Variants in OSBPL6 observed in about 807,000 individuals in gnomAD.
OSBPL6 encodes the protein oxysterol-binding protein-related protein 6.
OSBPL6 carries 49 observed loss-of-function variants against 125.8 expected under a neutral mutation model. That is an observed-to-expected ratio of 0.39 (90% CI 0.31 to 0.49). OSBPL6 has a LOEUF of 0.49. Ranked by LOEUF, OSBPL6 falls within the 20% of genes least tolerant of loss-of-function variation. The pLI, the probability that OSBPL6 is intolerant of heterozygous loss-of-function variation, is 0.88. For synonymous variants in OSBPL6, 394 were observed against 391.8 expected (o/e 1.01, Z -0.07); for missense variants, 986 against 1,135.4 (o/e 0.87, Z 1.89).
intron 3 of OSBPL6, among the ~76,000 whole-genome samples, chr2:178,309,677 G>T (rs1224614499): frequency 6.6e-6 from 1 of 152,172 alleles, no homozygotes. Context: ...TTTAATAATT[G>T]TTCCATTTGC....
intron 18 of OSBPL6, among the ~76,000 whole-genome samples, chr2:178,384,918 T>A (rs1575037035): frequency 6.6e-6 from 1 of 151,478 alleles, no homozygotes; most frequent in Non-Finnish European, 1.5e-5. Flanking sequence ...TTTTTAGGAA[T>A]AAAATGGGAG....
At chr2:178,205,254 G>T (rs541671841) in intron 1 of OSBPL6, among the ~76,000 whole-genome samples, 5 of 152,314 alleles carry the variant, frequency 3.3e-5, no homozygotes, top group African/African-American at 1.2e-4. Context: ...TCATGATTAA[G>T]TAGACAGGGA....
intron 3 of OSBPL6, among the ~76,000 whole-genome samples, chr2:178,319,896 A>G (rs1159576925): frequency 1.3e-5 from 2 of 152,228 alleles, no homozygotes; most frequent in Non-Finnish European, 2.9e-5. Flanking sequence ...AAAATAGCTT[A>G]GCTAAGATAG....
intron 1 of OSBPL6, among the ~76,000 whole-genome samples, chr2:178,200,857 G>A (rs770757347): frequency 2.0e-5 from 3 of 151,328 alleles, no homozygotes; most frequent in Admixed American, 6.6e-5. Flanking sequence ...GTGCAGTGGC[G>A]CGATCTCGGC....
At chr2:178,278,145 C>T (rs941183828) in intron 1 of OSBPL6, among the ~76,000 whole-genome samples, 1 of 152,174 alleles carries the variant, frequency 6.6e-6, no homozygotes, top group Non-Finnish European at 1.5e-5. Context: ...CCATTTTCTG[C>T]CTGATCTACT....
intron 11 of OSBPL6, among the ~76,000 whole-genome samples, chr2:178,346,474 A>T (rs1414265637): frequency 6.6e-6 from 1 of 152,214 alleles, no homozygotes; most frequent in African/African-American, 2.4e-5. Flanking sequence ...GACAGGACTT[A>T]AGAGCATCTC....
chr2:178,361,478 C>G (rs926167381), intron 12 of OSBPL6, among the ~76,000 whole-genome samples: 2 of 152,136 alleles, frequency 1.3e-5, no homozygotes, highest in Admixed American at 1.3e-4. Context: ...AAATTTTTCA[C>G]TCTGATCAAT....
At chr2:178,299,377 G>A (rs1464989266) in intron 2 of OSBPL6, among the ~76,000 whole-genome samples, 2 of 151,996 alleles carry the variant, frequency 1.3e-5, no homozygotes, top group Non-Finnish European at 2.9e-5. Flanking sequence ...GCTTTTCCTG[G>A]CCCTGTACTA....
rs180952416 is a variant in OSBPL6 at position 178,332,841 on chromosome 2, A to G, written c.487-30A>G. On this transcript the variant is annotated intron_variant, in intron 7 of 24. Transcript: ENST00000190611. ...TGGTAGGCAGGAGAGTTATTTTACA[A>G]TTACTTTCTCCTCTCGTTCATTGTT... 188 of 1,608,752 alleles carry G rather than the reference A, an allele frequency of 1.2e-4. No homozygotes were observed. The African/African-American group carries it at 2.3e-3, about 19-fold the overall frequency.
intron 13 of OSBPL6, among the ~76,000 whole-genome samples, chr2:178,367,161 A>G (rs16866299): frequency 0.036 from 5,488 of 152,326 alleles, 301 homozygotes; most frequent in East Asian, 0.24. Flanking sequence ...CTGTGCACCC[A>G]TTAAACAATA....
chr2:178,344,600 T>C lies in OSBPL6; in HGVS notation c.988-4624T>C, dbSNP rs191166376. On this transcript the variant is annotated intron_variant, in intron 11 of 24. Transcript: ENST00000190611. ...AGTTCTTCTACTATACATGAAGACA[T>C]AATTTAAGTCAAATTTGCAAAATTG... Among the ~76,000 whole-genome samples, 174 of 152,342 alleles carry C rather than the reference T, an allele frequency of 1.1e-3. 1 individual carries two copies. Among genetic ancestry groups the C allele is most frequent in the African/African-American group, 3.6e-3 (149 of 41,596 alleles).
intron 13 of OSBPL6, among the ~76,000 whole-genome samples, chr2:178,366,423 G>A (rs1692834743): frequency 6.6e-6 from 1 of 152,120 alleles, no homozygotes; most frequent in Non-Finnish European, 1.5e-5. Flanking sequence ...GTGAATAACG[G>A]AATATGACCC....
chr2:178,257,048 G>C (rs999994870), intron 1 of OSBPL6, among the ~76,000 whole-genome samples: 1 of 152,144 alleles, frequency 6.6e-6, no homozygotes, highest in African/African-American at 2.4e-5. Flanking sequence ...GAATATATGT[G>C]TGTCTTAGCA....
At chr2:178,248,092 T>C (rs1178511438) in intron 1 of OSBPL6, among the ~76,000 whole-genome samples, 3 of 152,216 alleles carry the variant, frequency 2.0e-5, no homozygotes, top group African/African-American at 7.2e-5. Flanking sequence ...ATATTCTCCC[T>C]ACTTGTAGAT....
At chr2:178,366,052 G>A (rs1023962103) in intron 13 of OSBPL6, among the ~76,000 whole-genome samples, 8 of 151,988 alleles carry the variant, frequency 5.3e-5, no homozygotes, top group African/African-American at 9.7e-5. Context: ...CACCACGTCC[G>A]GCTAATTTTT....
intron 11 of OSBPL6, among the ~76,000 whole-genome samples, chr2:178,341,506 G>A (rs1443461537): frequency 6.6e-6 from 1 of 151,878 alleles, no homozygotes; most frequent in African/African-American, 2.4e-5. Flanking sequence ...CACATCTTTG[G>A]GTGGTTCATT....
In OSBPL6 at chr2:178,325,410, A is replaced by T. The variant is rs1051796518; in HGVS notation, c.195+1141A>T. Among the ~76,000 whole-genome samples the T allele has an allele frequency of 4.6e-5, 7 of 152,230 alleles. No homozygotes were observed. In the South Asian group the frequency reaches 8.3e-4, roughly 18 times the overall value. On this transcript the variant is annotated intron_variant, in intron 4 of 24. Coordinates refer to ENST00000190611, the MANE Select transcript of OSBPL6 (RefSeq NM_032523.4). ...ACTGTAAAGATATGACAAGCTATAA[A>T]GTTTGTTCTATCAGACAAGAATAGA... is the stretch of plus-strand genomic sequence containing the variant.
intron 12 of OSBPL6, among the ~76,000 whole-genome samples, chr2:178,352,301 G>T (rs778932172): frequency 6.6e-6 from 1 of 152,224 alleles, no homozygotes; most frequent in African/African-American, 2.4e-5. Context: ...CTCCCAGGAA[G>T]CATGAGGGGT....
chr2:178,231,963 T>C (rs2090841374), intron 1 of OSBPL6, among the ~76,000 whole-genome samples: 1 of 152,170 alleles, frequency 6.6e-6, no homozygotes, highest in Admixed American at 6.5e-5. Flanking sequence ...TTAATTCTTG[T>C]TGAAATTTCC....
Sources: gnomAD v4.1 joint callset for allele counts (sites outside exome capture counted in the v4.1 genomes callset) on GRCh38, gnomAD v4.1.1 for gene constraint, MANE v1.5 for transcripts, NCBI Gene and HGNC (gene_info 2026-07-23, HGNC 2026-07-21) for gene names.